The following ZC4H2 variants were observed in gnomAD, a reference collection of about 807,000 sequenced individuals.
ZC4H2 encodes zinc finger C4H2-type containing.
For synonymous variants in ZC4H2, 84 were observed against 66.3 expected (o/e 1.27, Z -1.30); for missense variants, 137 against 173.9 (o/e 0.79, Z 1.19).
intron 1 of ZC4H2, among the ~76,000 whole-genome samples, chrX:64,942,542 T>C (rs923210788): frequency 8.8e-5 from 9 of 102,778 alleles, no homozygotes; most frequent in South Asian, 5.1e-4. Flanking sequence ...CTGTATGTTC[T>C]CATTGTTCAA....
intron 1 of ZC4H2, among the ~76,000 whole-genome samples, chrX:64,943,508 G>A (rs969090652): frequency 9.0e-6 from 1 of 111,524 alleles, no homozygotes; most frequent in Non-Finnish European, 1.9e-5. Context: ...TATGAATCTT[G>A]GTGCTCCTGT....
In ZC4H2 at chrX:65,010,516, C is replaced by T. The variant is rs188860825; in HGVS notation, c.-272+24113G>A. ...AATTCCCATAAGGAATATTTCCAAT[C>T]TTTTTTGGGATTCCACTCCTATTGA... On this transcript the variant is annotated intron_variant, in intron 1 of 4. Transcript: ENST00000337990. 4.0e-4 allele frequency among the ~76,000 whole-genome samples: 44 copies of T among 111,249 alleles called. No homozygotes were observed. The East Asian group carries it at 0.01, about 26-fold the overall frequency.
At chrX:64,928,889 CTTCT>C (rs1293936065) in intron 1 of ZC4H2, among the ~76,000 whole-genome samples, 3 of 95,737 alleles carry the variant, frequency 3.1e-5, no homozygotes, top group Admixed American at 2.3e-4. Context: ...TCTCTTTCTC[CTTCT>C]TTTTTTTTTT....
intron 1 of ZC4H2, among the ~76,000 whole-genome samples, chrX:65,029,091 G>A (rs1270308100): frequency 3.6e-5 from 4 of 110,919 alleles, no homozygotes; most frequent in African/African-American, 1.3e-4. Flanking sequence ...AACTATGGGA[G>A]GGGGAAAACT....
intron 1 of ZC4H2, among the ~76,000 whole-genome samples, chrX:64,971,567 G>T (rs1931781220): frequency 8.9e-6 from 1 of 111,838 alleles, no homozygotes; most frequent in African/African-American, 3.3e-5. Flanking sequence ...GGTTTAAGGG[G>T]AGGAGCTTGA....
At chrX:64,937,773 CAATT>C (rs1404271851) in intron 1 of ZC4H2, among the ~76,000 whole-genome samples, 1 of 111,370 alleles carries the variant, frequency 9.0e-6, no homozygotes, top group Non-Finnish European at 1.9e-5. Flanking sequence ...CTCTGGGACA[CAATT>C]AAAGCAGTGT....
chrX:65,019,234 G>A (rs981994541), intron 1 of ZC4H2, among the ~76,000 whole-genome samples: 1 of 111,992 alleles, frequency 8.9e-6, no homozygotes, highest in African/African-American at 3.2e-5. Flanking sequence ...CATGTATCCT[G>A]ACTGGGAGAC....
intron 1 of ZC4H2, among the ~76,000 whole-genome samples, chrX:64,974,751 G>A (rs1931886826): frequency 9.1e-6 from 1 of 110,134 alleles, no homozygotes; most frequent in Non-Finnish European, 1.9e-5. Context: ...TCTCCATATG[G>A]TCTTCACTGG....
chrX:64,953,850 T>C (rs1413792407), intron 1 of ZC4H2, among the ~76,000 whole-genome samples: 2 of 111,402 alleles, frequency 1.8e-5, no homozygotes, highest in Non-Finnish European at 3.8e-5. Flanking sequence ...ATCACGCTGC[T>C]ATAAAGACAC....
rs1458735567 is a variant in ZC4H2, at chrX:64,928,691, CTCT to C, written c.54-6706_54-6704del. Among the ~76,000 whole-genome samples, 142 of 80,042 alleles carry C rather than the reference CTCT, an allele frequency of 1.8e-3. 1 individual carries two copies. The highest frequency in any genetic ancestry group is 6.6e-3 in the Middle Eastern group (1 of 152). The allele number at this position is 80,042 out of a possible 115,157, so 69.5% of individuals were successfully genotyped here. On this transcript the variant is annotated intron_variant, in intron 1 of 4. Coordinates refer to ENST00000374839, the MANE Select transcript of ZC4H2 (RefSeq NM_018684.4). ...CTTCTTCTTCTTCTTCTTCCTCCTC[CTCT>C]TCTTCTTCTCCTCCTCCTCCCCCTC... is the stretch of plus-strand genomic sequence containing the variant.
chrX:65,001,353 T>C (rs1472178567), intron 1 of ZC4H2, among the ~76,000 whole-genome samples: 2 of 111,847 alleles, frequency 1.8e-5, no homozygotes, highest in Non-Finnish European at 3.8e-5. Flanking sequence ...CTAAGCTTCA[T>C]AAGCAAAAGG....
chrX:64,962,419 A>C (rs1931432178), intron 1 of ZC4H2, among the ~76,000 whole-genome samples: 1 of 111,578 alleles, frequency 9.0e-6, no homozygotes, highest in Non-Finnish European at 1.9e-5. Context: ...TCAACACAAT[A>C]AAAGCCATAT....
intron 1 of ZC4H2, among the ~76,000 whole-genome samples, chrX:64,981,741 C>A (rs1440443911): frequency 9.0e-6 from 1 of 111,110 alleles, no homozygotes; most frequent in African/African-American, 3.3e-5. Context: ...TCTTCACACT[C>A]TCTCAGAAAA....
intron 1 of ZC4H2, among the ~76,000 whole-genome samples, chrX:64,928,675 CTTCTTCT>C (rs1929563612): frequency 3.8e-5 from 4 of 104,922 alleles, no homozygotes; most frequent in Non-Finnish European, 5.9e-5. Context: ...TCTTCTTCTT[CTTCTTCT>C]TCCTCCTCCT....
chrX:64,983,873 T>C (rs1053799483), intron 1 of ZC4H2, among the ~76,000 whole-genome samples: 3 of 112,109 alleles, frequency 2.7e-5, no homozygotes, highest in Admixed American at 1.9e-4. Flanking sequence ...CACAAAGGAA[T>C]TCAAGGAATG....
chrX:64,982,962 C>G lies in ZC4H2; in HGVS notation c.-272+51667G>C, dbSNP rs186101490. On this transcript the variant is annotated intron_variant, in intron 1 of 4. Coordinates refer to the ZC4H2 transcript ENST00000337990. ...TGCCTATGAATGAAACATCTGGTAT[C>G]TGCAAGTAAACAGATTGGGAGAGGA... 1.2e-3 allele frequency among the ~76,000 whole-genome samples: 133 copies of G among 112,389 alleles called. 1 individual carries two copies. In the Admixed American group the frequency reaches 0.012, roughly 10 times the overall value.
In ZC4H2 at chrX:64,945,086, G is replaced by A. The variant is rs144970146; in HGVS notation, c.54-23098C>T. Among the ~76,000 whole-genome samples, 738 of 112,705 alleles carry A rather than the reference G, an allele frequency of 6.5e-3. 5 individuals carry two copies. The highest frequency in any genetic ancestry group is 9.5e-3 in the Non-Finnish European group (505 of 53,341). On this transcript the variant is annotated intron_variant, in intron 1 of 4. Coordinates refer to ENST00000374839, the MANE Select transcript of ZC4H2 (RefSeq NM_018684.4). ...TTCTGAAGCCTACTTCTGTCATTTC[G>A]TCAAACTCTTGCTCCATCCAGTTTC...
rs1403345250 is a variant in ZC4H2, at chrX:64,999,050, T to G, written c.-272+35579A>C. On this transcript the variant is annotated intron_variant, in intron 1 of 4. Coordinates refer to the ZC4H2 transcript ENST00000337990. Reference sequence around the variant, plus strand: ...CAGTTGGATTATGTGTTTTTTTTTTTTTTTTTTTTTTTTTTTTTAATCTAT... The same window carrying G: ...CAGTTGGATTATGTGTTTTTTTTTTGTTTTTTTTTTTTTTTTTTAATCTAT... 5.2e-5 allele frequency among the ~76,000 whole-genome samples: 5 copies of G among 96,014 alleles called. 1 individual carries two copies. The highest frequency in any genetic ancestry group is 1.0e-4 in the Non-Finnish European group (5 of 48,215). 83.4% of individuals were successfully genotyped at this position (96,014 alleles called of 115,157 possible).
At chrX:64,977,469 GCAGA>G (rs1250192025), upstream of ZC4H2, among the ~76,000 whole-genome samples, 2 of 111,948 alleles carry the variant, frequency 1.8e-5, no homozygotes, top group East Asian at 5.6e-4. Flanking sequence ...AATCCTGTAG[GCAGA>G]CATTTATCTA....
Sources: allele counts gnomAD v4.1 joint callset (sites outside exome capture counted in the v4.1 genomes callset), GRCh38; gene constraint gnomAD v4.1.1; transcripts MANE v1.5; gene names NCBI Gene and HGNC (gene_info 2026-07-23, HGNC 2026-07-21).